CPNE4: variants seen among roughly 807,000 people sequenced by gnomAD.
The protein encoded by CPNE4 is copine-4.
In CPNE4, 25 loss-of-function variants were observed where a neutral mutation model predicts 67.9. That is an observed-to-expected ratio of 0.37 (90% CI 0.27 to 0.51). The LOEUF is 0.51. Ranked by LOEUF, CPNE4 falls within the 20% of genes least tolerant of loss-of-function variation. The probability of loss-of-function intolerance (pLI) is 0.93; values close to 1 mark genes in which losing one functional copy is unlikely to be tolerated. For synonymous variants in CPNE4, 242 were observed against 244.9 expected, an observed-to-expected ratio of 0.99 and a Z score of 0.11; for missense variants, 464 against 690.8, an observed-to-expected ratio of 0.67 and a Z score of 3.68.
At chr3:131,787,232 TG>T (rs2083591875) in intron 2 of CPNE4, among the ~76,000 whole-genome samples, 1 of 152,176 alleles carries the variant, frequency 6.6e-6, no homozygotes. Flanking sequence ...AGATGCTGGA[TG>T]TCACAGATTG....
chr3:131,745,448 C>T (rs2082464815), intron 2 of CPNE4, among the ~76,000 whole-genome samples: 1 of 152,010 alleles, frequency 6.6e-6, no homozygotes, highest in Admixed American at 6.6e-5. Flanking sequence ...CAATTTTTGC[C>T]TTTGTGGATT....
Position 132,034,611 on chromosome 3 carries a change from G to A in CPNE4, c.-46C>T, listed in dbSNP as rs2074307304. The A allele has an allele frequency of 2.0e-6, 2 of 985,366 alleles. No individual in the cohort carries two copies. The highest frequency in any genetic ancestry group is 4.7e-5 in the South Asian group (1 of 21,282). The allele number at this position is 985,366 out of a possible 1,614,324, so 61.0% of individuals were successfully genotyped here. On this transcript the variant is annotated 5_prime_UTR_variant, in exon 1 of 16. Coordinates refer to ENST00000429747, the MANE Select transcript of CPNE4 (RefSeq NM_130808.3). ...AGAGTGGAGAGAGAATTCAGCCCGG[G>A]ACGAGGTCTGTCCCGCCCCCAGGAT...
At chr3:131,609,124 G>A (rs1939673619) in intron 7 of CPNE4, among the ~76,000 whole-genome samples, 1 of 152,094 alleles carries the variant, frequency 6.6e-6, no homozygotes, top group Non-Finnish European at 1.5e-5. Flanking sequence ...GGGATCATAT[G>A]TTTTCATGAT....
intron 2 of CPNE4, among the ~76,000 whole-genome samples, chr3:131,901,859 TA>T (rs11359836): frequency 0.2 from 30,961 of 151,914 alleles, 3,838 homozygotes; most frequent in Non-Finnish European, 0.27. Context: ...GTGGTGTAAA[TA>T]CTCCCTGACT....
rs1170778231 is a variant in CPNE4 at position 131,837,732 on chromosome 3, G to A, written c.180+67532C>T. Among the ~76,000 whole-genome samples the A allele has an allele frequency of 5.3e-5, 8 of 152,000 alleles. No individual in the cohort carries two copies. In the East Asian group the frequency reaches 1.5e-3, roughly 29 times the overall value. ...AGAGAGAAAGTACATGGAAAAACTG[G>A]TGAAATCCAAATAATATCTGTCATT... On this transcript the variant is annotated intron_variant, in intron 2 of 15. Transcript: ENST00000429747.
At chr3:131,604,482 A>G (rs555325072) in intron 7 of CPNE4, among the ~76,000 whole-genome samples, 103 of 152,174 alleles carry the variant, frequency 6.8e-4, no homozygotes, top group Non-Finnish European at 1.2e-3. Flanking sequence ...GGAGATTAAC[A>G]TTTGAGTCAG....
intron 3 of CPNE4, among the ~76,000 whole-genome samples, chr3:131,719,735 T>G (rs1269693977): frequency 6.6e-6 from 1 of 152,174 alleles, no homozygotes; most frequent in African/African-American, 2.4e-5. Context: ...CTCCACATCT[T>G]TTGGGTCTGA....
rs548333060 is a variant in CPNE4 at position 131,839,696 on chromosome 3, C to T, written c.180+65568G>A. Reference sequence around the variant, plus strand: ...ATATTTTTGTCACACATGGGTTTGTCACAGCATATGTATGTGTAACATGTG... The same window carrying T: ...ATATTTTTGTCACACATGGGTTTGTTACAGCATATGTATGTGTAACATGTG... On this transcript the variant is annotated intron_variant, in intron 2 of 15. Coordinates refer to ENST00000429747, the MANE Select transcript of CPNE4 (RefSeq NM_130808.3). Among the ~76,000 whole-genome samples, 198 of 151,906 alleles carry T rather than the reference C, an allele frequency of 1.3e-3. 1 individual carries two copies. Among genetic ancestry groups the T allele is most frequent in the African/African-American group, 4.6e-3 (192 of 41,414 alleles).
chr3:131,550,019 G>A lies in CPNE4; in HGVS notation c.1230C>T (p.Pro410=), dbSNP rs1559880668. 6.2e-7 allele frequency: 1 copy of A among 1,613,222 alleles called. No individual in the cohort carries two copies. The highest frequency in any genetic ancestry group is 8.5e-7 in the Non-Finnish European group (1 of 1,179,450). Residue 410 remains proline, a synonymous_variant, in exon 14 of 16, where the codon CCC becomes CCT. Coordinates refer to ENST00000429747, the MANE Select transcript of CPNE4 (RefSeq NM_130808.3). The part of the protein sequence containing the change: ...SCLPKLQLYG[P]TNIAPIIQKV... The stretch of plus-strand genomic sequence containing the variant: ...TCTGGATGATGGGGGCAATGTTGGT[G>A]GGACCGTAGAGTTGGAGCTTAGGAA...
rs146241961 is a variant in CPNE4, at chr3:131,694,084, G to A, written c.507+2458C>T. Among the ~76,000 whole-genome samples, 4 of 152,156 alleles carry A rather than the reference G, an allele frequency of 2.6e-5. No individual in the cohort carries two copies. The East Asian group carries it at 7.7e-4, about 29-fold the overall frequency. ...GCCAAGGGACTGGAGATCCAGGCAG[G>A]CATCCTACAACCACCGTCTGAATTG... On this transcript the variant is annotated intron_variant, in intron 5 of 15. Coordinates refer to ENST00000429747, the MANE Select transcript of CPNE4 (RefSeq NM_130808.3).
At chr3:131,713,135 T>C (rs1402584927) in intron 3 of CPNE4, among the ~76,000 whole-genome samples, 2 of 151,880 alleles carry the variant, frequency 1.3e-5, no homozygotes, top group Non-Finnish European at 2.9e-5. Context: ...CTGTTTTTTT[T>C]TTAGCATTGA....
chr3:131,570,139 A>C (rs999352468), intron 10 of CPNE4, among the ~76,000 whole-genome samples: 2 of 151,774 alleles, frequency 1.3e-5, no homozygotes, highest in African/African-American at 4.8e-5. Flanking sequence ...AATAAATATC[A>C]TAGTATTTAA....
chr3:131,882,469 C>T (rs1438924170), intron 2 of CPNE4, among the ~76,000 whole-genome samples: 2 of 152,066 alleles, frequency 1.3e-5, no homozygotes, highest in Non-Finnish European at 2.9e-5. Context: ...TGTAGTAACA[C>T]ATTGGTATGA....
intron 10 of CPNE4, among the ~76,000 whole-genome samples, chr3:131,566,716 C>T (rs1937075986): frequency 6.6e-6 from 1 of 151,906 alleles, no homozygotes; most frequent in African/African-American, 2.4e-5. Flanking sequence ...TCACAGACAC[C>T]ATTCTCAGCC....
chr3:131,700,535 G>A (rs957115717), intron 3 of CPNE4, among the ~76,000 whole-genome samples: 6 of 152,098 alleles, frequency 3.9e-5, no homozygotes, highest in East Asian at 1.9e-4. Context: ...ATGCACCTGC[G>A]CAATGACAAC....
At chr3:131,799,903 CGTGTGTGTGTGTGTGTTGTGT>C (rs1019207300) in intron 2 of CPNE4, among the ~76,000 whole-genome samples, 2 of 136,082 alleles carry the variant, frequency 1.5e-5, no homozygotes, top group Non-Finnish European at 1.6e-5. Flanking sequence ...TTTGTTGGTG[CGTGTGTGTGTGTGTGTTGTGT>C]GTGTGTGTGT....
At chr3:131,691,154 T>C (rs2081025280) in intron 5 of CPNE4, among the ~76,000 whole-genome samples, 1 of 152,100 alleles carries the variant, frequency 6.6e-6, no homozygotes, top group East Asian at 1.9e-4. Context: ...GGAGATTTCT[T>C]AAAGAGCTTA....
intron 8 of CPNE4, among the ~76,000 whole-genome samples, chr3:131,583,825 G>A (rs1452491362): frequency 1.3e-5 from 2 of 152,100 alleles, no homozygotes; most frequent in Admixed American, 1.3e-4. Flanking sequence ...TCTCCCCACA[G>A]CCCACTTTGA....
intron 2 of CPNE4, among the ~76,000 whole-genome samples, chr3:131,764,722 C>T (rs1336545975): frequency 6.6e-6 from 1 of 152,098 alleles, no homozygotes; most frequent in Non-Finnish European, 1.5e-5. Flanking sequence ...AAGAAGACTG[C>T]TTTGTCCATT....
Sources: gnomAD v4.1 joint callset for allele counts (sites outside exome capture counted in the v4.1 genomes callset) on GRCh38, gnomAD v4.1.1 for gene constraint, MANE v1.5 for transcripts, NCBI Gene and HGNC (gene_info 2026-07-23, HGNC 2026-07-21) for gene names.